PTPRN2: variants seen among roughly 807,000 people sequenced by gnomAD.
The protein encoded by PTPRN2 is protein tyrosine phosphatase receptor type N2, also known as receptor-type tyrosine-protein phosphatase N2.
A neutral mutation model predicts 118.8 loss-of-function variants in PTPRN2; 74 were observed. That is an observed-to-expected ratio of 0.62 (90% confidence interval 0.52 to 0.76). PTPRN2 has a LOEUF of 0.76. Among genes scored for constraint, PTPRN2 ranks in the 30% least tolerant of loss-of-function variants. The pLI is 0.00. For synonymous variants in PTPRN2, 641 were observed against 608.0 expected (o/e 1.05, Z -0.80); for missense variants, 1,481 against 1,394.4 (o/e 1.06, Z -0.99).
At chr7:157,822,714 C>G (rs991083376) in intron 12 of PTPRN2, among the ~76,000 whole-genome samples, 1 of 151,974 alleles carries the variant, frequency 6.6e-6, no homozygotes, top group Non-Finnish European at 1.5e-5. Context: ...CTTCTATCCA[C>G]CCATCCACTA....
intron 12 of PTPRN2, among the ~76,000 whole-genome samples, chr7:157,824,814 G>T (rs779769115): frequency 5.4e-4 from 82 of 152,220 alleles, no homozygotes; most frequent in Non-Finnish European, 1.0e-3. Flanking sequence ...CAGAGAAAGG[G>T]TGACCTGTTT....
At chr7:157,658,407 C>G (rs1795703778) in intron 13 of PTPRN2, among the ~76,000 whole-genome samples, 1 of 152,194 alleles carries the variant, frequency 6.6e-6, no homozygotes, top group Non-Finnish European at 1.5e-5. Context: ...AGCAGAAGTT[C>G]CCGTATTTAA....
chr7:158,462,763 A>C (rs959335577), intron 2 of PTPRN2, among the ~76,000 whole-genome samples: 9 of 152,220 alleles, frequency 5.9e-5, no homozygotes, highest in African/African-American at 2.2e-4. Context: ...CACAGTCCGC[A>C]AAACTACAAG....
intron 11 of PTPRN2, among the ~76,000 whole-genome samples, chr7:157,952,222 A>G (rs1157873212): frequency 6.6e-6 from 1 of 152,126 alleles, no homozygotes; most frequent in Non-Finnish European, 1.5e-5. Context: ...GCCTCGCCAG[A>G]CGCGGGCGAT....
rs1165542846 is a variant in PTPRN2, at chr7:157,979,897, C to A, written c.1724-81160G>T. ...CCTCATGTGAGTCCCAGAGCCAGAG[C>A]CCCCGACTGGGCAGCTGGGGGATCT... On this transcript the variant is annotated intron_variant, in intron 11 of 22. Transcript: ENST00000389418. Among the ~76,000 whole-genome samples the A allele has an allele frequency of 2.6e-5, 4 of 152,290 alleles. No individual in the cohort carries two copies. In the East Asian group the frequency reaches 7.7e-4, roughly 29 times the overall value.
chr7:158,258,964 G>A (rs1797211203), intron 3 of PTPRN2, among the ~76,000 whole-genome samples: 1 of 152,144 alleles, frequency 6.6e-6, no homozygotes, highest in East Asian at 1.9e-4. Context: ...AAAGGATCCA[G>A]AGTGGGGTGA....
At chr7:158,226,139 C>T (rs931270530) in intron 3 of PTPRN2, among the ~76,000 whole-genome samples, 2 of 152,144 alleles carry the variant, frequency 1.3e-5, no homozygotes, top group Non-Finnish European at 2.9e-5. Context: ...ATTCTAAGTC[C>T]TTCCTATTTT....
intron 3 of PTPRN2, among the ~76,000 whole-genome samples, chr7:158,270,171 C>A (rs574925267): frequency 6.6e-6 from 1 of 152,360 alleles, no homozygotes; most frequent in South Asian, 2.1e-4. Flanking sequence ...AGCCAGGACA[C>A]CTGAACTGGT....
At chr7:158,165,936 C>T (rs1395789031) in intron 6 of PTPRN2, among the ~76,000 whole-genome samples, 1 of 152,138 alleles carries the variant, frequency 6.6e-6, no homozygotes. Flanking sequence ...GCATGGTGAG[C>T]AGCATGAAAT....
At position 157,869,396 on chromosome 7, in the gene PTPRN2, A is replaced by G. The variant is rs1271777966; in HGVS notation, c.1788+29277T>C. Among the ~76,000 whole-genome samples the G allele has an allele frequency of 2.0e-5, 3 of 152,266 alleles. No individual in the cohort carries two copies. Among genetic ancestry groups the G allele is most frequent in the Non-Finnish European group, 4.4e-5 (3 of 68,044 alleles). The stretch of plus-strand genomic sequence containing the variant: ...TTACATTTTTCCTGAGTTAGCAGAC[A>G]AATATAAGGGGACTTCAAAAAGTTC... On this transcript the variant is annotated intron_variant, in intron 12 of 22. Transcript: ENST00000389418. The surrounding 1 kb of genome is among the most constrained non-coding windows in gnomAD (Gnocchi z 4.2).
At chr7:158,149,158 G>A (rs74602423) in intron 6 of PTPRN2, among the ~76,000 whole-genome samples, 2,680 of 29,626 alleles carry the variant, frequency 0.09, 3 homozygotes, top group Middle Eastern at 0.21. Flanking sequence ...TTCCCCCTCA[G>A]TGACACCCCA....
intron 2 of PTPRN2, among the ~76,000 whole-genome samples, chr7:158,473,649 C>T (rs1447677456): frequency 6.6e-6 from 1 of 152,212 alleles, no homozygotes; most frequent in East Asian, 1.9e-4. Context: ...CATGGTGTCC[C>T]AAGGACACTG....
chr7:157,719,831 G>A (rs1255841466), intron 12 of PTPRN2, among the ~76,000 whole-genome samples: 2 of 152,220 alleles, frequency 1.3e-5, no homozygotes, highest in African/African-American at 4.8e-5. Context: ...CAGTCTAAGT[G>A]GACCAAGAGA....
At chr7:157,956,565 G>A (rs542606223) in intron 11 of PTPRN2, among the ~76,000 whole-genome samples, 14 of 152,356 alleles carry the variant, frequency 9.2e-5, no homozygotes, top group African/African-American at 2.9e-4. Flanking sequence ...GCTATTTCTT[G>A]CGTGGGCATC....
chr7:158,562,899 G>C (rs1827471210), intron 1 of PTPRN2, among the ~76,000 whole-genome samples: 1 of 152,224 alleles, frequency 6.6e-6, no homozygotes, highest in South Asian at 2.1e-4. Context: ...TCATCATGCT[G>C]AGTGCAGGCC....
At chr7:157,775,324 G>A (rs555721842) in intron 12 of PTPRN2, among the ~76,000 whole-genome samples, 8 of 152,194 alleles carry the variant, frequency 5.3e-5, no homozygotes, top group Non-Finnish European at 8.8e-5. Context: ...TTCATGAGCC[G>A]CAGTGGCCAG....
chr7:157,922,054 C>G (rs1798718303), intron 11 of PTPRN2, among the ~76,000 whole-genome samples: 1 of 152,148 alleles, frequency 6.6e-6, no homozygotes, highest in Non-Finnish European at 1.5e-5. Flanking sequence ...AAGTCACAAA[C>G]AAAGGTTAAA....
chr7:158,177,149 G>A (rs901026685), intron 5 of PTPRN2, among the ~76,000 whole-genome samples: 2 of 152,226 alleles, frequency 1.3e-5, no homozygotes, highest in Non-Finnish European at 2.9e-5. Flanking sequence ...AAGGACAGAC[G>A]TATCTTTAGC....
chr7:158,103,202 G>T (rs780794508), intron 10 of PTPRN2, among the ~76,000 whole-genome samples: 2 of 152,166 alleles, frequency 1.3e-5, no homozygotes, highest in African/African-American at 4.8e-5. Context: ...CTGGGCCCAC[G>T]ATGAGTTCCT....
Sources: gnomAD v4.1 joint callset for allele counts (sites outside exome capture counted in the v4.1 genomes callset) on GRCh38, gnomAD v4.1.1 for gene constraint, Gnocchi (gnomAD v3.1) non-coding constraint, MANE v1.5 for transcripts, NCBI Gene and HGNC (gene_info 2026-07-23, HGNC 2026-07-21) for gene names.